GABRG3: variants seen among roughly 807,000 people sequenced by gnomAD.
GABRG3 encodes the protein gamma-aminobutyric acid type A receptor subunit gamma3, also known as gamma-aminobutyric acid receptor subunit gamma-3.
Under a neutral mutation model 48.8 loss-of-function variants are expected in GABRG3, and 25 were observed. The observed-to-expected ratio is 0.51, with a 90% confidence interval of 0.37 to 0.72. GABRG3 has a LOEUF of 0.72. Among genes scored for constraint, GABRG3 ranks in the 30% least tolerant of loss-of-function variants. The pLI, the probability that GABRG3 is intolerant of heterozygous loss-of-function variation, is 0.00. For synonymous variants in GABRG3, 227 were observed against 217.6 expected (o/e 1.04, Z -0.38); for missense variants, 394 against 577.9 (o/e 0.68, Z 3.26).
chr15:26,972,168 A>G (rs963373645), intron 1 of GABRG3, among the ~76,000 whole-genome samples: 1 of 152,078 alleles, frequency 6.6e-6, no homozygotes, highest in Non-Finnish European at 1.5e-5. Context: ...CACCTTCCAC[A>G]TCAGCCACTT....
At chr15:27,313,266 A>ATATATATATG (rs1893079564) in intron 3 of GABRG3, among the ~76,000 whole-genome samples, 2 of 14,462 alleles carry the variant, frequency 1.4e-4, no homozygotes, top group Admixed American at 8.9e-4. Context: ...GTGTGTGTAT[A>ATATATATATG]TATATATATA....
In GABRG3 at chr15:27,508,774, C is replaced by T. The variant is rs1463547484; in HGVS notation, c.713-11198C>T. The stretch of plus-strand genomic sequence containing the variant: ...CATCACCCAGGCTGGAGTACAGTGG[C>T]GTGATCTCGGCTCACTGCAAACTCT... On this transcript the variant is annotated intron_variant, in intron 6 of 9. Transcript: ENST00000615808. Among the ~76,000 whole-genome samples the T allele has an allele frequency of 8.6e-5, 13 of 151,940 alleles. No homozygotes were observed. In the East Asian group the frequency reaches 1.9e-3, roughly 23 times the overall value.
chr15:27,095,760 C>T (rs927082506), intron 3 of GABRG3, among the ~76,000 whole-genome samples: 1 of 152,070 alleles, frequency 6.6e-6, no homozygotes, highest in Non-Finnish European at 1.5e-5. Flanking sequence ...CAGTGGAGCG[C>T]AGGAGGAGAG....
chr15:27,089,698 G>T (rs1353714478), intron 3 of GABRG3, among the ~76,000 whole-genome samples: 2 of 152,214 alleles, frequency 1.3e-5, no homozygotes, highest in Non-Finnish European at 2.9e-5. Context: ...GTCATGCGAA[G>T]GGAGGACATC....
At chr15:27,182,862 C>T (rs1187089514) in intron 3 of GABRG3, among the ~76,000 whole-genome samples, 1 of 152,142 alleles carries the variant, frequency 6.6e-6, no homozygotes, top group Non-Finnish European at 1.5e-5. Context: ...CTGGTGCAGG[C>T]CGCTAATGGG....
chr15:27,340,068 C>T (rs1894115826), intron 5 of GABRG3, among the ~76,000 whole-genome samples: 1 of 152,136 alleles, frequency 6.6e-6, no homozygotes, highest in African/African-American at 2.4e-5. Flanking sequence ...GAACCTTCTT[C>T]ATCTCTCTAA....
intron 3 of GABRG3, among the ~76,000 whole-genome samples, chr15:27,252,805 C>T (rs978867607): frequency 1.3e-5 from 2 of 152,196 alleles, no homozygotes; most frequent in Non-Finnish European, 2.9e-5. Flanking sequence ...AGGTCCGTGT[C>T]TGGAGGATTT....
At chr15:27,528,645 G>A (rs3097490) in intron 9 of GABRG3, among the ~76,000 whole-genome samples, 89,801 of 151,946 alleles carry the variant, frequency 0.59, 26,976 homozygotes, top group East Asian at 0.69. Flanking sequence ...ATTCAGTTTG[G>A]TAGTCACGCA....
Position 27,038,398 on chromosome 15 carries a change from C to T in GABRG3, c.270+11577C>T, listed in dbSNP as rs146705798. ...TCTGTACCAAGGTCTTATTACTCCC[C>T]AAACCCAGGCATTCTTTTGAGGCAT... On this transcript the variant is annotated intron_variant, in intron 3 of 9. Coordinates refer to ENST00000615808, the MANE Select transcript of GABRG3 (RefSeq NM_033223.5). Among the ~76,000 whole-genome samples the T allele has an allele frequency of 3.7e-4, 56 of 152,300 alleles. 2 individuals are homozygous for T. The South Asian group carries it at 6.8e-3, about 19-fold the overall frequency.
chr15:26,971,687 C>G (rs1442587832), intron 1 of GABRG3, 99 bp downstream of exon 1: 22 of 1,347,422 alleles, frequency 1.6e-5, no homozygotes, highest in Non-Finnish European at 2.9e-6. Flanking sequence ...CAGCCGTCGG[C>G]TGGGCTGCGG....
At chr15:27,068,196 A>T (rs1392114204) in intron 3 of GABRG3, among the ~76,000 whole-genome samples, 1 of 152,228 alleles carries the variant, frequency 6.6e-6, no homozygotes, top group African/African-American at 2.4e-5. Flanking sequence ...TACTCCACTG[A>T]AACATCACCC....
chr15:27,497,403 A>G (rs1433632589), intron 6 of GABRG3, among the ~76,000 whole-genome samples: 4 of 152,162 alleles, frequency 2.6e-5, no homozygotes, highest in Admixed American at 2.0e-4. Context: ...CTTTAATTAT[A>G]CCTTGACTGA....
At chr15:26,991,097 A>G (rs892657251) in intron 2 of GABRG3, among the ~76,000 whole-genome samples, 1 of 152,078 alleles carries the variant, frequency 6.6e-6, no homozygotes, top group Non-Finnish European at 1.5e-5. Flanking sequence ...ATTTTTGTTA[A>G]GGCAAGTGAT....
At chr15:27,414,278 T>C (rs1401975249) in intron 5 of GABRG3, among the ~76,000 whole-genome samples, 1 of 152,182 alleles carries the variant, frequency 6.6e-6, no homozygotes, top group Non-Finnish European at 1.5e-5. Context: ...TCTCTCTTTC[T>C]GGCTCTTCTT....
intron 1 of GABRG3, among the ~76,000 whole-genome samples, chr15:26,972,998 C>T (rs377532765): frequency 2.0e-5 from 3 of 152,306 alleles, no homozygotes; most frequent in East Asian, 3.9e-4. Flanking sequence ...TTGCTTCTTC[C>T]TGGTTGTATC....
chr15:27,460,861 T>C (rs1432939447), intron 5 of GABRG3, among the ~76,000 whole-genome samples: 1 of 151,908 alleles, frequency 6.6e-6, no homozygotes, highest in Non-Finnish European at 1.5e-5. Flanking sequence ...TTGGTGGGGG[T>C]CCAGGTTCCT....
At chr15:27,156,893 A>G (rs905758648) in intron 3 of GABRG3, among the ~76,000 whole-genome samples, 2 of 152,186 alleles carry the variant, frequency 1.3e-5, no homozygotes, top group African/African-American at 4.8e-5. Context: ...ATTTCTAAGC[A>G]GTTCATGCTT....
At chr15:27,310,392 A>G (rs377228943) in intron 3 of GABRG3, among the ~76,000 whole-genome samples, 1 of 152,200 alleles carries the variant, frequency 6.6e-6, no homozygotes, top group Non-Finnish European at 1.5e-5. Context: ...CATCAAAAAC[A>G]TTAAATGTCT....
intron 3 of GABRG3, among the ~76,000 whole-genome samples, chr15:27,243,683 T>G (rs1352308977): frequency 6.6e-6 from 1 of 152,212 alleles, no homozygotes; most frequent in Non-Finnish European, 1.5e-5. Context: ...AGTTCTGTCT[T>G]TCTATATGGT....
Sources: gnomAD v4.1 joint callset for allele counts (sites outside exome capture counted in the v4.1 genomes callset) on GRCh38, gnomAD v4.1.1 for gene constraint, MANE v1.5 for transcripts, NCBI Gene and HGNC (gene_info 2026-07-23, HGNC 2026-07-21) for gene names.